The following KCNQ1 variants were observed in gnomAD, a reference collection of about 807,000 sequenced individuals.
KCNQ1 encodes potassium voltage-gated channel subfamily KQT member 1.
In KCNQ1, 49 loss-of-function variants were observed where a neutral mutation model predicts 72.4. The observed-to-expected ratio is 0.68, with a 90% CI of 0.54 to 0.86. The LOEUF is 0.86. Ranked by LOEUF, KCNQ1 falls within the 40% of genes least tolerant of loss-of-function variation. The probability of loss-of-function intolerance (pLI) is 0.00; values close to 1 mark genes in which losing one functional copy is unlikely to be tolerated. For synonymous variants in KCNQ1, 450 were observed against 412.6 expected (o/e 1.09, Z -1.10); for missense variants, 790 against 945.1 (o/e 0.84, Z 2.15).
At position 2,740,199 on chromosome 11, in the gene KCNQ1, T is replaced by G. The variant is rs1590062560; in HGVS notation, c.1515-28645T>G. ...GGCTGGGCCTGGCCTCTGAGGAGCC[T>G]CCAGGAATGGCAGGAGGGAGGGTGG... On this transcript the variant is annotated intron_variant, in intron 11 of 15. Coordinates refer to ENST00000155840, the MANE Select transcript of KCNQ1 (RefSeq NM_000218.3). 2.6e-5 allele frequency among the ~76,000 whole-genome samples: 4 copies of G among 151,374 alleles called. No homozygotes were observed. In the East Asian group the frequency reaches 7.8e-4, roughly 30 times the overall value.
chr11:2,633,781 G>A (rs977455984), intron 10 of KCNQ1: 4 of 398,338 alleles, frequency 1.0e-5, no homozygotes, highest in African/African-American at 6.2e-5. Flanking sequence ...GTATACAAGG[G>A]GGATTGCTTC....
chr11:2,648,527 A>G lies in KCNQ1; in HGVS notation c.1394-13434A>G, dbSNP rs575081070. Reference sequence around the variant, plus strand: ...ATTTTTAAAATCAATTTCTTCATAGACACAGTGGTCATTCAGGAACATGTA... The same window carrying G: ...ATTTTTAAAATCAATTTCTTCATAGGCACAGTGGTCATTCAGGAACATGTA... On this transcript the variant is annotated intron_variant, in intron 10 of 15. Transcript: ENST00000155840. 2.2e-4 allele frequency: 89 copies of G among 398,470 alleles called. 1 individual carries two copies. In the East Asian group the frequency reaches 3.1e-3, roughly 14 times the overall value. 24.7% of individuals were successfully genotyped at this position (398,470 alleles called of 1,614,324 possible). A position where few individuals can be genotyped will look rare whatever the true frequency, so the allele number is the denominator to read the frequency against.
chr11:2,569,358 G>A (rs1036499971), intron 2 of KCNQ1, among the ~76,000 whole-genome samples: 4 of 152,354 alleles, frequency 2.6e-5, no homozygotes, highest in South Asian at 2.1e-4. Flanking sequence ...AACACATGCC[G>A]GATGGTGTAA....
intron 10 of KCNQ1, chr11:2,618,656 T>G (rs1346683086): frequency 2.5e-6 from 1 of 398,570 alleles, no homozygotes; most frequent in East Asian, 3.6e-5. Context: ...AGAACAGAAT[T>G]TTCAGAATTT....
intron 11 of KCNQ1, among the ~76,000 whole-genome samples, chr11:2,765,343 G>C (rs1846477452): frequency 6.6e-6 from 1 of 152,210 alleles, no homozygotes; most frequent in South Asian, 2.1e-4. Context: ...TAATTGTACT[G>C]TAGTCAGAGA....
At chr11:2,632,682 C>T in intron 10 of KCNQ1, 1 of 398,366 alleles carries the variant, frequency 2.5e-6, no homozygotes, top group East Asian at 3.6e-5. Context: ...TCAAAATCCT[C>T]CATCTTTCTG....
At position 2,565,933 on chromosome 11, in the gene KCNQ1, T is replaced by C. The variant is rs1162874236; in HGVS notation, c.478-4695T>C. ...GGTGGCTCTTGTGCCTGCACCCGCC[T>C]TGGGGCCATCTGACACCCACACCCT... On this transcript the variant is annotated intron_variant, in intron 2 of 15. Transcript: ENST00000155840. The surrounding 1 kb of genome is among the most constrained non-coding windows in gnomAD (Gnocchi z 5.6). 6.6e-6 allele frequency among the ~76,000 whole-genome samples: 1 copy of C among 152,008 alleles called. No homozygotes were observed. Among genetic ancestry groups the C allele is most frequent in the African/African-American group, 2.4e-5 (1 of 41,360 alleles).
At chr11:2,511,781 C>T (rs906784023) in intron 1 of KCNQ1, among the ~76,000 whole-genome samples, 4 of 152,216 alleles carry the variant, frequency 2.6e-5, no homozygotes, top group Non-Finnish European at 5.9e-5. Context: ...GGAAGGTTCT[C>T]TGGGAGCTGG....
rs1848322064 is a variant in KCNQ1, at chr11:2,570,754, G to GGTGA, written c.604+3_604+6dup. On this transcript the variant is annotated frameshift_variant and splice_region_variant. Transcript: ENST00000155840. LOFTEE classifies it high-confidence loss of function. ...TGCCCGGAAGCCCATTTCCATCATC[G>GGTGA]GTGAGTCATGCCTGCCCTGTGGAGG... 3 of 1,610,274 alleles carry GGTGA rather than the reference G, an allele frequency of 1.9e-6. No homozygotes were observed. The highest frequency in any genetic ancestry group is 2.5e-6 in the Non-Finnish European group (3 of 1,179,978).
At chr11:2,452,384 C>G (rs940133808) in intron 1 of KCNQ1, among the ~76,000 whole-genome samples, 24 of 152,100 alleles carry the variant, frequency 1.6e-4, no homozygotes, top group African/African-American at 5.8e-4. Context: ...GGACCCCTCA[C>G]CCCACCCTGG....
At position 2,642,856 on chromosome 11, in the gene KCNQ1, T is replaced by G. The variant is rs1170641531; in HGVS notation, c.1394-19105T>G. 9 of 397,864 alleles carry G rather than the reference T, an allele frequency of 2.3e-5. No individual in the cohort carries two copies. Among genetic ancestry groups the G allele is most frequent in the African/African-American group, 1.6e-4 (8 of 48,622 alleles). The allele number at this position is 397,864 out of a possible 1,614,324, so 24.6% of individuals were successfully genotyped here. A position where few individuals can be genotyped will look rare whatever the true frequency, so the allele number is the denominator to read the frequency against. On this transcript the variant is annotated intron_variant, in intron 10 of 15. Coordinates refer to ENST00000155840, the MANE Select transcript of KCNQ1 (RefSeq NM_000218.3). The surrounding 1 kb of genome is among the most constrained non-coding windows in gnomAD (Gnocchi z 4.3). ...GCAGTATCCCTTAAGTTTCAGAATG[T>G]TGTGCTTCTATTTTCACTTGTTTCA...
chr11:2,841,004 GGGTTAAGAC>G (rs973240669), intron 15 of KCNQ1, among the ~76,000 whole-genome samples: 1 of 152,238 alleles, frequency 6.6e-6, no homozygotes, highest in African/African-American at 2.4e-5. Context: ...AGACTGTCTA[GGGTTAAGAC>G]GGTGACTGCC....
rs186996452 is a variant in KCNQ1 at position 2,722,044 on chromosome 11, C to T, written c.1515-46800C>T. Reference sequence around the variant, plus strand: ...GCTTTCCTGTCCTCCATTTGGTGGCCGCCTCACCTCCATGGGGTCGCAGGG... The same window carrying T: ...GCTTTCCTGTCCTCCATTTGGTGGCTGCCTCACCTCCATGGGGTCGCAGGG... On this transcript the variant is annotated intron_variant, in intron 11 of 15. Coordinates refer to ENST00000155840, the MANE Select transcript of KCNQ1 (RefSeq NM_000218.3). Among the ~76,000 whole-genome samples the T allele has an allele frequency of 2.2e-4, 33 of 152,252 alleles. No homozygotes were observed. The East Asian group carries it at 5.8e-3, about 27-fold the overall frequency.
At chr11:2,532,929 G>A (rs1847665245) in intron 2 of KCNQ1, among the ~76,000 whole-genome samples, 2 of 152,186 alleles carry the variant, frequency 1.3e-5, no homozygotes, top group Non-Finnish European at 2.9e-5. Flanking sequence ...AGCCCTTGGG[G>A]CCAGGCGGCG....
At position 2,828,754 on chromosome 11, in the gene KCNQ1, C is replaced by T. The variant is rs949337416; in HGVS notation, c.1795-19013C>T. 2.0e-5 allele frequency among the ~76,000 whole-genome samples: 3 copies of T among 152,232 alleles called. No individual in the cohort carries two copies. The highest frequency in any genetic ancestry group is 4.8e-5 in the African/African-American group (2 of 41,448). ...GAAAACAACAGGGATTCAGTAAATGCATTCAAGCTAAAAAGGAAGACCTCC... is the reference window on the plus strand; with the variant it reads ...GAAAACAACAGGGATTCAGTAAATGTATTCAAGCTAAAAAGGAAGACCTCC... On this transcript the variant is annotated intron_variant, in intron 15 of 15. Transcript: ENST00000155840. The surrounding 1 kb of genome is among the most constrained non-coding windows in gnomAD (Gnocchi z 5.3).
chr11:2,819,584 G>A (rs1358213296), intron 15 of KCNQ1, among the ~76,000 whole-genome samples: 1 of 152,222 alleles, frequency 6.6e-6, no homozygotes, highest in Non-Finnish European at 1.5e-5. Flanking sequence ...GTTCATACCT[G>A]ATTTGGGCCT....
rs1846579007 is a variant in KCNQ1 at position 2,477,024 on chromosome 11, C to T, written c.386+31540C>T. Among the ~76,000 whole-genome samples the T allele has an allele frequency of 6.6e-6, 1 of 152,182 alleles. No individual in the cohort carries two copies. Among genetic ancestry groups the T allele is most frequent in the Non-Finnish European group, 1.5e-5 (1 of 68,044 alleles). On this transcript the variant is annotated intron_variant, in intron 1 of 15. Transcript: ENST00000155840. The surrounding 1 kb of genome is among the most constrained non-coding windows in gnomAD (Gnocchi z 5.0). ...TGTGACAGTACTTTGTAAAATTGTACTCCAGTGAATTTGAAAAATGTTGTG... is the reference window on the plus strand; with the variant it reads ...TGTGACAGTACTTTGTAAAATTGTATTCCAGTGAATTTGAAAAATGTTGTG...
At position 2,723,599 on chromosome 11, in the gene KCNQ1, G is replaced by A. The variant is rs1413853822; in HGVS notation, c.1515-45245G>A. ...CCTGAAGTCCAAAGAGGGGATGCCA[G>A]CCTCAAACTCAGCAGCTCGAAGTAG... On this transcript the variant is annotated intron_variant, in intron 11 of 15. Transcript: ENST00000155840. This position sits in a 1 kb window ranked among gnomAD's most constrained non-coding sequence, Gnocchi z 4.2. Among the ~76,000 whole-genome samples, 1 of 152,248 alleles carries A rather than the reference G, an allele frequency of 6.6e-6. No individual in the cohort carries two copies.
rs1850229230 is a variant in KCNQ1, at chr11:2,673,609, C to T, written c.1514+11528C>T. 2.5e-6 allele frequency: 1 copy of T among 398,758 alleles called. No homozygotes were observed. Among genetic ancestry groups the T allele is most frequent in the Admixed American group, 4.4e-5 (1 of 22,740 alleles). The allele number at this position is 398,758 out of a possible 1,614,324, so 24.7% of individuals were successfully genotyped here. On this transcript the variant is annotated intron_variant, in intron 11 of 15. Coordinates refer to ENST00000155840, the MANE Select transcript of KCNQ1 (RefSeq NM_000218.3). This position sits in a 1 kb window ranked among gnomAD's most constrained non-coding sequence, Gnocchi z 4.5. ...GGGCTAAAGAGAAGCTAAACGTGAC[C>T]AGCCTACCCACCTTGCTACTGCTGA...
Sources: allele counts gnomAD v4.1 joint callset (sites outside exome capture counted in the v4.1 genomes callset), GRCh38; gene constraint gnomAD v4.1.1; non-coding constraint Gnocchi (gnomAD v3.1); transcripts MANE v1.5; gene names NCBI Gene and HGNC (gene_info 2026-07-23, HGNC 2026-07-21).